Variants in IQSEC1 observed in about 807,000 individuals in gnomAD.
IQSEC1 encodes the protein IQ motif and SEC7 domain-containing protein 1.
A neutral mutation model predicts 91.0 loss-of-function variants in IQSEC1; 31 were observed. That is an observed-to-expected ratio of 0.34 (90% CI 0.26 to 0.46). IQSEC1 has a LOEUF of 0.46. IQSEC1 is among the 20% of genes least tolerant of loss of function. IQSEC1 has a pLI of 1.00. For synonymous variants in IQSEC1, 699 were observed against 662.6 expected, an observed-to-expected ratio of 1.05 and a Z score of -0.84; for missense variants, 1,388 against 1,575.6, an observed-to-expected ratio of 0.88 and a Z score of 2.02.
Position 12,908,615 on chromosome 3 carries a change from C to T in IQSEC1, c.2579-90G>A. On this transcript the variant is annotated intron_variant, in intron 11 of 13. Coordinates refer to ENST00000613206, the MANE Select transcript of IQSEC1 (RefSeq NM_001134382.3). The surrounding 1 kb of genome is among the most constrained non-coding windows in gnomAD (Gnocchi z 4.9). ...CCTTCTGCTTGGAGCTAGCACTGTC[C>T]TGAGCCACCATCTGCTTGGAATGGG... 2 of 1,378,018 alleles carry T rather than the reference C, an allele frequency of 1.5e-6. No homozygotes were observed. Among genetic ancestry groups the T allele is most frequent in the Non-Finnish European group, 2.0e-6 (2 of 987,990 alleles). 85.4% of individuals were successfully genotyped at this position (1,378,018 alleles called of 1,614,324 possible).
intron 12 of IQSEC1, among the ~76,000 whole-genome samples, chr3:12,903,522 C>A (rs1359364307): frequency 2.0e-5 from 3 of 152,234 alleles, no homozygotes; most frequent in Non-Finnish European, 4.4e-5. Flanking sequence ...CTTCCCTAAG[C>A]CAGGAGGTCT....
chr3:13,250,166 A>G (rs970505783), intron 1 of IQSEC1, among the ~76,000 whole-genome samples: 6 of 152,198 alleles, frequency 3.9e-5, no homozygotes, highest in African/African-American at 1.4e-4. Flanking sequence ...GGACACAGCA[A>G]ACAGTAAAAG....
At position 12,901,297 on chromosome 3, in the gene IQSEC1, G is replaced by A. The variant is rs1280511114; in HGVS notation, c.3031C>T (p.His1011Tyr). The change falls in exon 14 of 14, where the codon CAC becomes TAC. Residue 1011 changes from histidine (H) to tyrosine (Y), a missense_variant. By Grantham distance (83) the His-to-Tyr change is moderately conservative. This residue lies in a region of IQSEC1 where 329 missense variants were observed against 257.8 expected (regional missense o/e 1.28). Transcript: ENST00000613206. ...AGCCCCTCTGGGGGCCCCAGGTGGT[G>A]GCCAGCCACAGAGTGCTGCAAGTGA... is the stretch of plus-strand genomic sequence containing the variant. ...LPHLQHSVAG[H>Y]HLGPPEGLPQ... 4.5e-6 allele frequency: 7 copies of A among 1,546,664 alleles called. No homozygotes were observed. Among genetic ancestry groups the A allele is most frequent in the East Asian group, 2.5e-5 (1 of 40,732 alleles).
At chr3:13,212,905 CT>C (rs999545137) in intron 1 of IQSEC1, among the ~76,000 whole-genome samples, 4 of 152,114 alleles carry the variant, frequency 2.6e-5, no homozygotes, top group African/African-American at 9.7e-5. Flanking sequence ...GTTGAGTTGT[CT>C]TTTTGTTATT....
chr3:12,904,373 C>T (rs566024936), intron 12 of IQSEC1, among the ~76,000 whole-genome samples: 5 of 152,346 alleles, frequency 3.3e-5, no homozygotes, highest in Admixed American at 3.3e-4. Context: ...CCACACGGCA[C>T]ATCAGGGCAA....
intron 2 of IQSEC1, among the ~76,000 whole-genome samples, chr3:13,111,714 A>G (rs1706249134): frequency 6.6e-6 from 1 of 152,154 alleles, no homozygotes; most frequent in African/African-American, 2.4e-5. Context: ...TCATAAGAAG[A>G]AAAAGAGGCA....
chr3:12,909,375 T>A lies in IQSEC1; in HGVS notation c.2476A>T (p.Ile826Leu), dbSNP rs750352579. 6.2e-7 allele frequency: 1 copy of A among 1,614,192 alleles called. No individual in the cohort carries two copies. Among genetic ancestry groups the A allele is most frequent in the Non-Finnish European group, 8.5e-7 (1 of 1,180,024 alleles). Residue 826 changes from isoleucine (I) to leucine (L), a missense_variant, in exon 11 of 14, where the codon ATA (isoleucine) becomes TTA (leucine). Transcript: ENST00000613206. This position sits in a 1 kb window ranked among gnomAD's most constrained non-coding sequence, Gnocchi z 4.9. ...TGAGGGTTGGGGGCGTTGAAGTTTA[T>A]TAACACTTTGATATCTGCTCCGGGG... ...SVPGADIKVL[I>L]NFNAPNPQDR...
At chr3:13,141,089 C>T (rs191211386) in intron 2 of IQSEC1, among the ~76,000 whole-genome samples, 14 of 152,346 alleles carry the variant, frequency 9.2e-5, no homozygotes, top group South Asian at 4.1e-4. Flanking sequence ...TTATTTCCTA[C>T]GAGCACGGAA....
chr3:12,946,887 C>T (rs1368812257), intron 1 of IQSEC1, among the ~76,000 whole-genome samples: 2 of 152,224 alleles, frequency 1.3e-5, no homozygotes, highest in Admixed American at 6.5e-5. Context: ...AGACCTGGGA[C>T]ACCTGCATGC....
chr3:12,917,780 T>C (rs1182310950), intron 6 of IQSEC1, among the ~76,000 whole-genome samples: 1 of 152,246 alleles, frequency 6.6e-6, no homozygotes, highest in Non-Finnish European at 1.5e-5. Context: ...TGCTGGATCA[T>C]ATTACTTTCT....
At chr3:13,090,186 C>G (rs895875732) in intron 2 of IQSEC1, among the ~76,000 whole-genome samples, 1 of 151,750 alleles carries the variant, frequency 6.6e-6, no homozygotes, top group East Asian at 1.9e-4. Context: ...CCACTGCGCT[C>G]CAGCCTGGGT....
intron 1 of IQSEC1, among the ~76,000 whole-genome samples, chr3:13,032,891 T>C (rs1224067560): frequency 6.6e-6 from 1 of 152,190 alleles, no homozygotes; most frequent in Non-Finnish European, 1.5e-5. Context: ...AAACATTATA[T>C]ATAAAGCCCC....
At chr3:12,928,235 C>T (rs1465931552) in intron 3 of IQSEC1, among the ~76,000 whole-genome samples, 2 of 118,118 alleles carry the variant, frequency 1.7e-5, no homozygotes, top group East Asian at 2.4e-4. Context: ...TGGGGGTGGC[C>T]GAGGTGGGGG....
At chr3:13,185,686 C>T (rs1693919146) in intron 1 of IQSEC1, among the ~76,000 whole-genome samples, 1 of 152,210 alleles carries the variant, frequency 6.6e-6, no homozygotes, top group Non-Finnish European at 1.5e-5. Context: ...CCGAGGTTCA[C>T]AGAGGAAGGG....
chr3:12,909,974 T>C lies in IQSEC1; in HGVS notation c.2417-540A>G. ...TCAGCCACTGGATGTTTGAAGGTTC[T>C]TGGACCAAGTACCAATCCCACCTTG... On this transcript the variant is annotated intron_variant, in intron 10 of 13. Transcript: ENST00000613206. This position sits in a 1 kb window ranked among gnomAD's most constrained non-coding sequence, Gnocchi z 4.9. Among the ~76,000 whole-genome samples, 1 of 152,224 alleles carries C rather than the reference T, an allele frequency of 6.6e-6. No individual in the cohort carries two copies. The highest frequency in any genetic ancestry group is 2.1e-4 in the South Asian group (1 of 4,836).
intron 3 of IQSEC1, among the ~76,000 whole-genome samples, chr3:12,934,618 G>A (rs1697995674): frequency 6.6e-6 from 1 of 152,152 alleles, no homozygotes. Context: ...CCAAATCCCA[G>A]TAGCCCAGGG....
At chr3:13,236,444 C>A (rs1694929763) in intron 1 of IQSEC1, among the ~76,000 whole-genome samples, 1 of 152,238 alleles carries the variant, frequency 6.6e-6, no homozygotes, top group South Asian at 2.1e-4. Flanking sequence ...AGGTCCTCTG[C>A]CCTGCTTTCG....
chr3:12,989,509 A>G (rs926325045), intron 1 of IQSEC1, among the ~76,000 whole-genome samples: 3 of 152,232 alleles, frequency 2.0e-5, no homozygotes, highest in Non-Finnish European at 2.9e-5. Flanking sequence ...TGACTTGTCC[A>G]AGGTCATGCA....
intron 1 of IQSEC1, among the ~76,000 whole-genome samples, chr3:13,225,492 C>T (rs1401531252): frequency 6.6e-6 from 1 of 152,186 alleles, no homozygotes; most frequent in South Asian, 2.1e-4. Context: ...GAAAGTTCAT[C>T]ATAAATAGGA....
Sources: gnomAD v4.1 joint callset for allele counts (sites outside exome capture counted in the v4.1 genomes callset) on GRCh38, gnomAD v4.1.1 for gene constraint, gnomAD v4.1.1 regional missense constraint, Gnocchi (gnomAD v3.1) non-coding constraint, MANE v1.5 for transcripts, NCBI Gene and HGNC (gene_info 2026-07-23, HGNC 2026-07-21) for gene names.